The following IAH1 variants were observed in gnomAD, a reference collection of about 807,000 sequenced individuals.
IAH1 encodes the protein isoamyl acetate hydrolyzing esterase 1 (putative).
IAH1 carries 24 observed loss-of-function variants against 26.7 expected under a neutral mutation model. The observed-to-expected ratio is 0.90, with a 90% CI of 0.65 to 1.26. The LOEUF is 1.26. Ranked by LOEUF, IAH1 falls within the 50% of genes most tolerant of loss-of-function variation. The pLI is 0.00. For synonymous variants in IAH1, 140 were observed against 118.5 expected (o/e 1.18, Z -1.18); for missense variants, 300 against 299.9 (o/e 1.00, Z 0.00).
At chr2:9,490,359 C>G (rs780815372), downstream of IAH1, 9 of 1,614,022 alleles carry the variant, frequency 5.6e-6, no homozygotes, top group Non-Finnish European at 7.6e-6. Flanking sequence ...GTGCTGGGGT[C>G]TTCCTGGATG....
At position 9,478,260 on chromosome 2, in the gene IAH1, A is replaced by AT. The variant is rs1389898322; in HGVS notation, c.174dup (p.Thr59TyrfsTer32). 6.2e-7 allele frequency: 1 copy of AT among 1,613,038 alleles called. No homozygotes were observed. ...CTGAATCGTGGATTTTCAGGTTACAATACCAGGTGGGCCAAAATTATCCTT... is the reference window on the plus strand; with the variant it reads ...CTGAATCGTGGATTTTCAGGTTACAATTACCAGGTGGGCCAAAATTATCCTT... On this transcript the variant is annotated frameshift_variant, in exon 3 of 6. Transcript: ENST00000497473. LOFTEE classifies it high-confidence loss of function.
chr2:9,475,799 G>A, intron 1 of IAH1, 188 bp from the exon 2 acceptor site: 1 of 615,106 alleles, frequency 1.6e-6, no homozygotes, highest in Non-Finnish European at 2.9e-6. Flanking sequence ...TTTTGATAGA[G>A]AAAAATCCCC....
At chr2:9,492,675 T>C (rs1662255909), downstream of IAH1, among the ~76,000 whole-genome samples, 1 of 152,190 alleles carries the variant, frequency 6.6e-6, no homozygotes. Context: ...CTAAGAAATT[T>C]ATATATTAAA....
intron 5 of IAH1, among the ~76,000 whole-genome samples, chr2:9,487,831 TGTGCGCGCGC>T (rs1160546445): frequency 1.4e-3 from 111 of 80,226 alleles, no homozygotes; most frequent in African/African-American, 4.0e-3. Context: ...TGTGTGTGTG[TGTGCGCGCGC>T]GCGCGCGCGC....
the IAH1 span, among the ~76,000 whole-genome samples, chr2:9,504,403 C>T: frequency 6.6e-6 from 1 of 151,934 alleles, no homozygotes; most frequent in Non-Finnish European, 1.5e-5. Context: ...TGAGATCGCG[C>T]CACTGCACTC....
At chr2:9,497,256 C>A (rs756662356), downstream of IAH1, 10 of 1,613,658 alleles carry the variant, frequency 6.2e-6, no homozygotes, top group South Asian at 5.5e-5. Context: ...TACCTGGAAG[C>A]AAACACCAGT....
chr2:9,491,366 T>C (rs1662132432), downstream of IAH1, among the ~76,000 whole-genome samples: 1 of 152,198 alleles, frequency 6.6e-6, no homozygotes, highest in African/African-American at 2.4e-5. Flanking sequence ...AGGAAATACA[T>C]TTTGGCGTTA....
chr2:9,504,400 G>A, the IAH1 span, among the ~76,000 whole-genome samples: 3 of 150,662 alleles, frequency 2.0e-5, no homozygotes, highest in Non-Finnish European at 3.0e-5. Flanking sequence ...CGCTGAGATC[G>A]CGCCACTGCA....
the IAH1 span, chr2:9,510,084 T>A: frequency 1.9e-6 from 3 of 1,614,086 alleles, no homozygotes; most frequent in Admixed American, 5.0e-5. Flanking sequence ...GATCATGTTC[T>A]GCTCCAAAAT....
In IAH1 at chr2:9,477,296, G is replaced by A. The variant is rs558102002; in HGVS notation, c.135-926G>A. On this transcript the variant is annotated intron_variant, in intron 2 of 5. Coordinates refer to ENST00000497473, the MANE Select transcript of IAH1 (RefSeq NM_001039613.3). ...CCAGCTTCTCTGCTTGGTTATGCAT[G>A]TATGGGAATGTGAATACAGCAAAAT... Among the ~76,000 whole-genome samples the A allele has an allele frequency of 1.6e-4, 24 of 152,110 alleles. No individual in the cohort carries two copies. In the South Asian group the frequency reaches 5.0e-3, roughly 32 times the overall value.
intron 5 of IAH1, among the ~76,000 whole-genome samples, chr2:9,487,718 G>A (rs561942614): frequency 4.2e-4 from 64 of 151,876 alleles, no homozygotes; most frequent in African/African-American, 1.2e-3. Context: ...TATTTCTGTC[G>A]CAGGGCCACA....
downstream of IAH1, chr2:9,494,623 A>G: frequency 1.2e-6 from 2 of 1,612,826 alleles, no homozygotes; most frequent in Non-Finnish European, 1.7e-6. Flanking sequence ...AAAAAGCTGT[A>G]CATAAATACT....
chr2:9,490,476 T>C (rs1422208960), downstream of IAH1: 1 of 1,614,084 alleles, frequency 6.2e-7, no homozygotes, highest in Admixed American at 1.7e-5. Flanking sequence ...GGTTTGATAA[T>C]GCGAACCGAT....
downstream of IAH1, chr2:9,490,647 G>C: frequency 1.0e-6 from 1 of 1,001,740 alleles, no homozygotes; most frequent in East Asian, 2.6e-5. Flanking sequence ...AAAGTGCTAG[G>C]TGAGGCTCAC....
intron 5 of IAH1, chr2:9,485,878 G>A (rs1378727112): frequency 1.3e-5 from 2 of 152,300 alleles, no homozygotes; most frequent in African/African-American, 2.4e-5. Context: ...GGGATCCAGA[G>A]AGAAAGCTTG....
chr2:9,494,863 A>G, intron 6 of IAH1: 1 of 1,448,620 alleles, frequency 6.9e-7, no homozygotes, highest in South Asian at 1.3e-5. Context: ...CCAAAGAGGT[A>G]AGAAATCACA....
chr2:9,506,095 A>G, the IAH1 span, among the ~76,000 whole-genome samples: 1 of 152,132 alleles, frequency 6.6e-6, no homozygotes, highest in African/African-American at 2.4e-5. Context: ...TCCTGAAGTT[A>G]TCAAAAAAAG....
At chr2:9,506,361 T>G in the IAH1 span, among the ~76,000 whole-genome samples, 10 of 124,340 alleles carry the variant, frequency 8.0e-5, no homozygotes, top group Admixed American at 4.5e-4. Flanking sequence ...TCAAATCTGT[T>G]TTTTTTTTTT....
At chr2:9,497,053 G>A (rs1662666054), downstream of IAH1, 1 of 1,583,714 alleles carries the variant, frequency 6.3e-7, no homozygotes, top group Admixed American at 1.7e-5. Flanking sequence ...TGGAGGAAGG[G>A]AGCCTGGCAG....
Sources: gnomAD v4.1 joint callset for allele counts (sites outside exome capture counted in the v4.1 genomes callset) on GRCh38, gnomAD v4.1.1 for gene constraint, MANE v1.5 for transcripts, NCBI Gene and HGNC (gene_info 2026-07-23, HGNC 2026-07-21) for gene names.